Variants in FA2H observed in about 807,000 individuals in gnomAD.
The protein encoded by FA2H is fatty acid 2-hydroxylase, also known as fatty acid alpha-hydroxylase.
FA2H carries 22 observed loss-of-function variants against 44.9 expected under a neutral mutation model. The ratio of observed to expected loss-of-function variants is 0.49; its 90% CI spans 0.35 to 0.70. The LOEUF is 0.70. Among genes scored for constraint, FA2H ranks in the 30% least tolerant of loss-of-function variants. The probability of loss-of-function intolerance (pLI) is 0.01; values close to 1 mark genes in which losing one functional copy is unlikely to be tolerated. For missense variants in FA2H, 501 were observed against 504.9 expected (o/e 0.99, Z 0.07); for synonymous variants, 243 against 213.2 (o/e 1.14, Z -1.22).
At chr16:74,763,150 GAT>G (rs1157976519) in intron 1 of FA2H, among the ~76,000 whole-genome samples, 1 of 152,122 alleles carries the variant, frequency 6.6e-6, no homozygotes, top group African/African-American at 2.4e-5. Context: ...GTCTTTCTTT[GAT>G]CTTTGTGAGT....
At chr16:74,740,147 C>G in intron 1 of FA2H, 32 bp from the exon 2 acceptor site, 1 of 1,563,804 alleles carries the variant, frequency 6.4e-7, no homozygotes, top group Non-Finnish European at 8.8e-7. Context: ...GGATTATACA[C>G]AGTGGGTGAG....
chr16:74,722,538 A>G (rs1470343178), intron 4 of FA2H, among the ~76,000 whole-genome samples: 1 of 152,110 alleles, frequency 6.6e-6, no homozygotes, highest in African/African-American at 2.4e-5. Flanking sequence ...CCTGTCTCAA[A>G]AAGAAAAAAA....
At chr16:74,752,144 C>G (rs1470009515) in intron 1 of FA2H, among the ~76,000 whole-genome samples, 1 of 152,174 alleles carries the variant, frequency 6.6e-6, no homozygotes, top group Non-Finnish European at 1.5e-5. Context: ...CTCACAGTCA[C>G]CAATCCAGGC....
chr16:74,769,818 C>T (rs1414132515), intron 1 of FA2H, among the ~76,000 whole-genome samples: 1 of 152,220 alleles, frequency 6.6e-6, no homozygotes, highest in African/African-American at 2.4e-5. Flanking sequence ...TTGACCCCAC[C>T]GCCCTGAGCT....
chr16:74,719,013 A>G lies in FA2H; in HGVS notation c.761T>C (p.Phe254Ser). 1 of 1,613,858 alleles carries G rather than the reference A, an allele frequency of 6.2e-7. No homozygotes were observed. Residue 254 changes from phenylalanine to serine, a missense_variant, in exon 5 of 7, where the codon TTC becomes TCC. Coordinates refer to ENST00000219368, the MANE Select transcript of FA2H (RefSeq NM_024306.5). Reference protein sequence around the residue: ...SDSYYLIMLHFVMHGQHHKAP... With the variant: ...SDSYYLIMLHSVMHGQHHKAP... ...CTTGTGGTGCTGGCCGTGCATGACG[A>G]AGTGCAGCATGATGAGGTAATAGCT...
intron 2 of FA2H, among the ~76,000 whole-genome samples, 172 bp downstream of exon 2, chr16:74,739,851 C>CG (rs1962256995): frequency 6.6e-6 from 1 of 152,154 alleles, no homozygotes. Flanking sequence ...ACACCCCTGC[C>CG]GGAGTTTGCT....
chr16:74,765,864 T>C (rs1235332810), intron 1 of FA2H, among the ~76,000 whole-genome samples: 16 of 152,184 alleles, frequency 1.1e-4, no homozygotes, highest in Admixed American at 1.0e-3. Context: ...TTCAAATATT[T>C]ATTAGTACCT....
At chr16:74,746,655 C>G (rs541315902) in intron 1 of FA2H, among the ~76,000 whole-genome samples, 1 of 152,246 alleles carries the variant, frequency 6.6e-6, no homozygotes, top group African/African-American at 2.4e-5. Context: ...CCTTGGTTTG[C>G]CAGTTTGAAA....
At chr16:74,757,843 CCT>C (rs1962636176) in intron 1 of FA2H, among the ~76,000 whole-genome samples, 1 of 152,058 alleles carries the variant, frequency 6.6e-6, no homozygotes, top group Non-Finnish European at 1.5e-5. Context: ...ATGGCAAAAC[CCT>C]GTCTCTACAA....
intron 5 of FA2H, among the ~76,000 whole-genome samples, chr16:74,717,470 C>G (rs1176247270): frequency 6.6e-6 from 1 of 152,182 alleles, no homozygotes; most frequent in Admixed American, 6.5e-5. Context: ...GGAGGGAGAG[C>G]CCTGATTGGT....
intron 1 of FA2H, among the ~76,000 whole-genome samples, chr16:74,747,500 T>C (rs1028398891): frequency 2.0e-5 from 3 of 152,124 alleles, no homozygotes; most frequent in Admixed American, 1.3e-4. Context: ...TATGCTGAAG[T>C]TCTAACCCCC....
At chr16:74,719,294 C>T in intron 4 of FA2H, 134 bp from the exon 5 acceptor site, 1 of 734,430 alleles carries the variant, frequency 1.4e-6, no homozygotes, top group Non-Finnish European at 2.3e-6. Context: ...CCAGGCCATA[C>T]TGCTGGGGTC....
At position 74,750,486 on chromosome 16, in the gene FA2H, G is replaced by C. The variant is rs375489861; in HGVS notation, c.271-10371C>G. On this transcript the variant is annotated intron_variant, in intron 1 of 6. Transcript: ENST00000219368. ...TGCCACTGTTTACAAAATGGCAAATGATTATACTACGAAAAACAATAATAG... is the reference window on the plus strand; with the variant it reads ...TGCCACTGTTTACAAAATGGCAAATCATTATACTACGAAAAACAATAATAG... Among the ~76,000 whole-genome samples the C allele has an allele frequency of 4.6e-5, 7 of 152,126 alleles. No homozygotes were observed. The South Asian group carries it at 1.0e-3, about 23-fold the overall frequency.
At chr16:74,715,288 A>T (rs944813490) in intron 6 of FA2H, among the ~76,000 whole-genome samples, 2 of 151,360 alleles carry the variant, frequency 1.3e-5, no homozygotes, top group African/African-American at 4.9e-5. Context: ...GTTGCTAATT[A>T]TTTTTTTTTA....
At chr16:74,725,941 G>A in intron 4 of FA2H, 1 of 425,322 alleles carries the variant, frequency 2.4e-6, no homozygotes, top group Non-Finnish European at 4.4e-6. Context: ...GACACTCAAT[G>A]AGAGGCACTC....
intron 6 of FA2H, among the ~76,000 whole-genome samples, chr16:74,715,252 T>G (rs1259351490): frequency 6.6e-6 from 1 of 152,110 alleles, no homozygotes; most frequent in East Asian, 1.9e-4. Context: ...AAAATACACC[T>G]TAGATTTCAA....
chr16:74,714,362 G>A, intron 6 of FA2H, 93 bp from the exon 7 acceptor site: 1 of 813,432 alleles, frequency 1.2e-6, no homozygotes, highest in South Asian at 1.4e-5. Flanking sequence ...ATAAGAGGTG[G>A]AGACAATGTC....
intron 2 of FA2H, among the ~76,000 whole-genome samples, chr16:74,734,907 G>A (rs777156084): frequency 1.2e-3 from 181 of 152,346 alleles, no homozygotes; most frequent in Admixed American, 2.1e-3. Flanking sequence ...CCAAACTCAG[G>A]CATATTGCCC....
intron 1 of FA2H, among the ~76,000 whole-genome samples, chr16:74,744,382 A>G (rs1459352497): frequency 6.8e-6 from 1 of 146,696 alleles, no homozygotes; most frequent in Non-Finnish European, 1.5e-5. Context: ...TAAAAACCAA[A>G]AAGTGCCTCA....
Sources: gnomAD v4.1 joint callset for allele counts (sites outside exome capture counted in the v4.1 genomes callset) on GRCh38, gnomAD v4.1.1 for gene constraint, MANE v1.5 for transcripts, NCBI Gene and HGNC (gene_info 2026-07-23, HGNC 2026-07-21) for gene names.